PTPRD: variants seen among roughly 807,000 people sequenced by gnomAD.
PTPRD encodes the protein receptor-type tyrosine-protein phosphatase delta.
A neutral mutation model predicts 214.5 loss-of-function variants in PTPRD; 34 were observed. That is an observed-to-expected ratio of 0.16 (90% CI 0.12 to 0.21). The LOEUF (loss-of-function observed/expected upper bound fraction) is 0.21. Ranked by LOEUF, PTPRD falls within the 10% of genes least tolerant of loss-of-function variation. The probability of loss-of-function intolerance (pLI) is 1.00; values close to 1 mark genes in which losing one functional copy is unlikely to be tolerated. For missense variants in PTPRD, 2,545 were observed against 2,398.7 expected, an observed-to-expected ratio of 1.06 and a Z score of -1.27; for synonymous variants, 1,128 against 845.7, an observed-to-expected ratio of 1.33 and a Z score of -5.79.
chr9:8,875,518 C>T (rs1461482560), intron 11 of PTPRD, among the ~76,000 whole-genome samples: 6 of 152,010 alleles, frequency 3.9e-5, no homozygotes, highest in South Asian at 4.1e-4. Flanking sequence ...TCAGTTCATC[C>T]GATACCTAAG....
At chr9:9,732,773 T>A (rs2098221218) in intron 7 of PTPRD, among the ~76,000 whole-genome samples, 1 of 152,062 alleles carries the variant, frequency 6.6e-6, no homozygotes, top group South Asian at 2.1e-4. Context: ...ACTAATACTT[T>A]GATGAATACT....
chr9:9,700,518 T>A (rs974769847), intron 7 of PTPRD, among the ~76,000 whole-genome samples: 5 of 152,082 alleles, frequency 3.3e-5, no homozygotes, highest in Non-Finnish European at 7.4e-5. Context: ...AAACATTATA[T>A]GTTTGTAGAG....
intron 12 of PTPRD, among the ~76,000 whole-genome samples, chr9:8,654,658 A>G (rs960653800): frequency 6.6e-6 from 1 of 152,194 alleles, no homozygotes; most frequent in Non-Finnish European, 1.5e-5. Context: ...AGAAACTTAA[A>G]TGTATTTTCA....
chr9:9,161,982 G>A (rs115284921), intron 10 of PTPRD, among the ~76,000 whole-genome samples: 1 of 151,120 alleles, frequency 6.6e-6, no homozygotes. Context: ...TTTTTGTCTT[G>A]AATCCTAAAA....
At chr9:9,022,607 T>C (rs1006234050) in intron 10 of PTPRD, among the ~76,000 whole-genome samples, 2 of 152,108 alleles carry the variant, frequency 1.3e-5, no homozygotes, top group African/African-American at 2.4e-5. Context: ...TTCTGTGATG[T>C]TTGCACCATG....
intron 9 of PTPRD, among the ~76,000 whole-genome samples, chr9:9,225,436 A>G (rs1285109604): frequency 6.6e-6 from 1 of 151,984 alleles, no homozygotes; most frequent in African/African-American, 2.4e-5. Context: ...GAAGATGAAC[A>G]TGATTGATGA....
intron 5 of PTPRD, among the ~76,000 whole-genome samples, chr9:9,805,280 C>T (rs960092850): frequency 6.6e-6 from 1 of 151,972 alleles, no homozygotes; most frequent in Non-Finnish European, 1.5e-5. Context: ...GCCTAGTGCC[C>T]TTTGTTTGGT....
chr9:8,772,032 G>A (rs2095248476), intron 11 of PTPRD, among the ~76,000 whole-genome samples: 1 of 151,854 alleles, frequency 6.6e-6, no homozygotes, highest in Admixed American at 6.6e-5. Context: ...TGATTATTAT[G>A]CATTATATGC....
intron 2 of PTPRD, among the ~76,000 whole-genome samples, chr9:10,503,373 A>G (rs2044570402): frequency 6.6e-6 from 1 of 151,948 alleles, no homozygotes; most frequent in African/African-American, 2.4e-5. Context: ...AAGTGATTTA[A>G]TTTTCAATGG....
At chr9:10,511,136 G>C (rs1226280908) in intron 2 of PTPRD, among the ~76,000 whole-genome samples, 1 of 152,136 alleles carries the variant, frequency 6.6e-6, no homozygotes, top group East Asian at 1.9e-4. Flanking sequence ...GTATGGAATG[G>C]ATGTGTATAT....
intron 10 of PTPRD, among the ~76,000 whole-genome samples, chr9:9,057,955 G>C (rs1469210429): frequency 6.6e-6 from 1 of 151,930 alleles, no homozygotes; most frequent in Non-Finnish European, 1.5e-5. Context: ...GAAATAAACA[G>C]CTTTTACTAT....
intron 2 of PTPRD, among the ~76,000 whole-genome samples, chr9:10,368,628 G>C (rs1397832734): frequency 3.9e-5 from 6 of 151,986 alleles, no homozygotes; most frequent in Admixed American, 1.3e-4. Context: ...GGAAATTTCT[G>C]TCCTTTTAAA....
intron 5 of PTPRD, among the ~76,000 whole-genome samples, chr9:9,783,529 A>G (rs779456201): frequency 2.0e-5 from 3 of 152,158 alleles, no homozygotes; most frequent in Non-Finnish European, 4.4e-5. Flanking sequence ...ATAGCCACTG[A>G]TGTGGGAAGA....
intron 2 of PTPRD, among the ~76,000 whole-genome samples, chr9:10,544,807 T>C (rs568334909): frequency 7.9e-4 from 120 of 152,316 alleles, no homozygotes; most frequent in Admixed American, 1.4e-3. Context: ...ATCAGCAAAA[T>C]GACTAATGGT....
rs553053876 is a variant in PTPRD, at chr9:9,763,323, C to G, written c.-326+3487G>C. On this transcript the variant is annotated intron_variant, in intron 6 of 45. Coordinates refer to ENST00000381196, the MANE Select transcript of PTPRD (RefSeq NM_002839.4). ...TCTTTTTCTAAGCATTTTCCTGAAC[C>G]CTGTCCCCTAACAAAAGCACATCAA... is the stretch of plus-strand genomic sequence containing the variant. 2.6e-5 allele frequency among the ~76,000 whole-genome samples: 4 copies of G among 152,174 alleles called. No individual in the cohort carries two copies. In the East Asian group the frequency reaches 7.7e-4, roughly 29 times the overall value.
At chr9:9,801,389 C>T (rs1429982361) in intron 5 of PTPRD, among the ~76,000 whole-genome samples, 3 of 152,002 alleles carry the variant, frequency 2.0e-5, no homozygotes, top group Non-Finnish European at 4.4e-5. Context: ...ATGCTCTGCA[C>T]CTAAACTCCA....
chr9:10,574,947 A>T (rs2068729041), intron 2 of PTPRD, among the ~76,000 whole-genome samples: 1 of 151,828 alleles, frequency 6.6e-6, no homozygotes, highest in South Asian at 2.1e-4. Context: ...TTGAGAATAA[A>T]TCTCACAGGA....
chr9:8,733,599 T>C lies in PTPRD; in HGVS notation c.64+181A>G, dbSNP rs1444947993. 2.6e-5 allele frequency among the ~76,000 whole-genome samples: 4 copies of C among 151,994 alleles called. No homozygotes were observed. In the East Asian group the frequency reaches 5.8e-4, roughly 22 times the overall value. On this transcript the variant is annotated intron_variant, in intron 12 of 45. Transcript: ENST00000381196. ...AAGGGGCATTAAAACGGAGAGGAAATGGTGAGGAAGTCACGTCAATAATCT... is the reference window on the plus strand; with the variant it reads ...AAGGGGCATTAAAACGGAGAGGAAACGGTGAGGAAGTCACGTCAATAATCT...
At chr9:9,615,436 T>A (rs1468803151) in intron 7 of PTPRD, among the ~76,000 whole-genome samples, 1 of 152,186 alleles carries the variant, frequency 6.6e-6, no homozygotes, top group East Asian at 1.9e-4. Flanking sequence ...CTGCTCTCCA[T>A]TACCAAACCA....
Sources: gnomAD v4.1 joint callset for allele counts (sites outside exome capture counted in the v4.1 genomes callset) on GRCh38, gnomAD v4.1.1 for gene constraint, MANE v1.5 for transcripts, NCBI Gene and HGNC (gene_info 2026-07-23, HGNC 2026-07-21) for gene names.